KLHL11: variants seen among roughly 807,000 people sequenced by gnomAD.
KLHL11 encodes kelch-like protein 11.
A neutral mutation model predicts 56.1 loss-of-function variants in KLHL11; 26 were observed. The observed-to-expected ratio is 0.46, with a 90% CI of 0.34 to 0.64. The LOEUF (loss-of-function observed/expected upper bound fraction) is 0.64. KLHL11 is among the 30% of genes least tolerant of loss of function. The pLI, the probability that KLHL11 is intolerant of heterozygous loss-of-function variation, is 0.01. For synonymous variants in KLHL11, 338 were observed against 345.8 expected (o/e 0.98, Z 0.25); for missense variants, 627 against 919.4 (o/e 0.68, Z 4.11).
rs934548024 is a variant in KLHL11, at chr17:41,853,186, C to T, written c.*554G>A. Among the ~76,000 whole-genome samples the T allele has an allele frequency of 6.6e-6, 1 of 152,164 alleles. No individual in the cohort carries two copies. The highest frequency in any genetic ancestry group is 1.5e-5 in the Non-Finnish European group (1 of 68,020). On this transcript the variant is annotated 3_prime_UTR_variant, in exon 2 of 2. Transcript: ENST00000319121. ...TCACATCTTCTAGGAAGGAAACTGG[C>T]ATTTCTAGATAAACATAAGAAAATA...
At chr17:41,856,976 C>T (rs570077292) in intron 1 of KLHL11, among the ~76,000 whole-genome samples, 5 of 151,952 alleles carry the variant, frequency 3.3e-5, no homozygotes, top group East Asian at 1.9e-4. Flanking sequence ...GCTGAGATTG[C>T]GCCACTGCAC....
Position 41,854,327 on chromosome 17 carries a change from G to A in KLHL11, c.1540C>T (p.Arg514Trp), listed in dbSNP as rs782435849. ...GCCTTTAATCCATCTTCAGTGTCCCGGTCTACAGGAGTGCGGGCGGCAATG... is the reference window on the plus strand; with the variant it reads ...GCCTTTAATCCATCTTCAGTGTCCCAGTCTACAGGAGTGCGGGCGGCAATG... Reference protein sequence around the residue: ...VYIAARTPVDRDTEDGLKAVI... With the variant: ...VYIAARTPVDWDTEDGLKAVI... The change falls in exon 2 of 2, where the codon CGG (arginine) becomes TGG (tryptophan). Residue 514 changes from arginine to tryptophan, a missense_variant. Physicochemically the swap from Arg to Trp is moderately radical, Grantham distance 101 (BLOSUM62 -3). Transcript: ENST00000319121. The surrounding 1 kb of genome is among the most constrained non-coding windows in gnomAD (Gnocchi z 4.9). The A allele has an allele frequency of 1.9e-6, 3 of 1,614,136 alleles. No homozygotes were observed. Among genetic ancestry groups the A allele is most frequent in the African/African-American group, 1.3e-5 (1 of 75,040 alleles).
intron 1 of KLHL11, among the ~76,000 whole-genome samples, chr17:41,860,551 T>G (rs370673208): frequency 5.9e-5 from 9 of 152,142 alleles, no homozygotes; most frequent in African/African-American, 1.7e-4. Flanking sequence ...ATGCCCAGAG[T>G]ATCGTCTCCT....
At chr17:41,857,088 C>G (rs2048371325) in intron 1 of KLHL11, among the ~76,000 whole-genome samples, 1 of 152,020 alleles carries the variant, frequency 6.6e-6, no homozygotes, top group Non-Finnish European at 1.5e-5. Context: ...CTCAACTACT[C>G]AGGGGGCTTA....
In KLHL11 at chr17:41,865,404, G is replaced by A; in HGVS notation, c.-34C>T. On this transcript the variant is annotated 5_prime_UTR_variant, in exon 1 of 2. Transcript: ENST00000319121. ...CGCTGCGCCCGGCCTCCACAGCCTC[G>A]GAACGATGCGGCTGTTGGTACGACA... 3.2e-6 allele frequency: 4 copies of A among 1,247,920 alleles called. No individual in the cohort carries two copies. Among genetic ancestry groups the A allele is most frequent in the East Asian group, 2.9e-5 (1 of 34,518 alleles). 77.3% of individuals were successfully genotyped at this position (1,247,920 alleles called of 1,614,324 possible).
At position 41,854,118 on chromosome 17, in the gene KLHL11, T is replaced by C. The variant is rs560563465; in HGVS notation, c.1749A>G (p.Gln583=). Residue 583 remains glutamine (Q), a synonymous_variant, in exon 2 of 2, where the codon CAA becomes CAG. Coordinates refer to ENST00000319121, the MANE Select transcript of KLHL11 (RefSeq NM_018143.3). The surrounding 1 kb of genome is among the most constrained non-coding windows in gnomAD (Gnocchi z 4.9). The stretch of plus-strand genomic sequence containing the variant: ...AGCTTTCAAGGATCTCATCAGACAC[T>C]TGGCTGGCAATTTTTCTTACTGCCT... ...NEEAVRKIAS[Q]VSDEILESLP... 28 of 1,614,202 alleles carry C rather than the reference T, an allele frequency of 1.7e-5. No homozygotes were observed. In the South Asian group the frequency reaches 2.1e-4, roughly 12 times the overall value.
rs1484008399 is a variant in KLHL11, at chr17:41,855,155, C to A, written c.712G>T (p.Asp238Tyr). 6.2e-7 allele frequency: 1 copy of A among 1,614,002 alleles called. No homozygotes were observed. Among genetic ancestry groups the A allele is most frequent in the Admixed American group, 1.7e-5 (1 of 59,998 alleles). Residue 238 changes from aspartate to tyrosine, a missense_variant, in exon 2 of 2, where the codon GAT (aspartate) becomes TAT (tyrosine). Around this residue, in one of 4 missense-constraint regions of KLHL11, gnomAD observed 106 missense variants for 227.0 expected, o/e 0.47. Coordinates refer to ENST00000319121, the MANE Select transcript of KLHL11 (RefSeq NM_018143.3). ...AAAGGTAACGTATAAAATTCTTCAT[C>A]CTGAATCACTTTGTGGAAATTTCTC... Reference protein sequence around the residue: ...IRRNFHKVIQDEEFYTLPFHL... With the variant: ...IRRNFHKVIQYEEFYTLPFHL...
chr17:41,865,261 G>A lies in KLHL11; in HGVS notation c.110C>T (p.Ala37Val). The change falls in exon 1 of 2, where the codon GCC (alanine) becomes GTC (valine). Residue 37 changes from alanine (A) to valine (V), a missense_variant. Physicochemically the swap from Ala to Val is moderately conservative, Grantham distance 64 (BLOSUM62 0). Around this residue, in one of 4 missense-constraint regions of KLHL11, gnomAD observed 121 missense variants for 116.2 expected, o/e 1.04. Coordinates refer to ENST00000319121, the MANE Select transcript of KLHL11 (RefSeq NM_018143.3). ...CGTGCCGCTGCCTCGGACCTCGGCG[G>A]CCAGTCCTGCCGAGCCGGCGGCGGC... ...ETAAAGSAGLAAEVRGSGTVD... is the reference protein window; with the variant it reads ...ETAAAGSAGLVAEVRGSGTVD... 2 of 1,581,282 alleles carry A rather than the reference G, an allele frequency of 1.3e-6. No individual in the cohort carries two copies. Among genetic ancestry groups the A allele is most frequent in the Middle Eastern group, 1.7e-4 (1 of 5,864 alleles).
rs781912211 is a variant in KLHL11, at chr17:41,854,181, T to C, written c.1686A>G (p.Ala562=). The C allele has an allele frequency of 1.2e-6, 2 of 1,614,160 alleles. No homozygotes were observed. The highest frequency in any genetic ancestry group is 2.2e-5 in the East Asian group (1 of 44,894). Residue 562 remains alanine, a synonymous_variant, in exon 2 of 2, where the codon GCA becomes GCG. Coordinates refer to ENST00000319121, the MANE Select transcript of KLHL11 (RefSeq NM_018143.3). The surrounding 1 kb of genome is among the most constrained non-coding windows in gnomAD (Gnocchi z 4.9). ...AACAATAACTCTTGGGACAACATGA[T>C]GCTGTCTGATAAAAGTTTGAATTGA... The part of the protein sequence containing the change: ...SVVNSNFYQT[A]SCCPKSYCLE...
At chr17:41,860,572 TC>T (rs1347202037) in intron 1 of KLHL11, among the ~76,000 whole-genome samples, 7 of 151,950 alleles carry the variant, frequency 4.6e-5, no homozygotes, top group Admixed American at 4.6e-4. Context: ...CTCCTCTAAC[TC>T]CCCAATAGAG....
At chr17:41,863,314 C>T (rs527404774) in intron 1 of KLHL11, among the ~76,000 whole-genome samples, 142 of 152,040 alleles carry the variant, frequency 9.3e-4, no homozygotes, top group African/African-American at 3.2e-3. Flanking sequence ...TCTTGTGTCT[C>T]AGCCTCCCCA....
intron 1 of KLHL11, among the ~76,000 whole-genome samples, chr17:41,856,538 A>C (rs1337261076): frequency 6.6e-6 from 1 of 152,118 alleles, no homozygotes; most frequent in East Asian, 1.9e-4. Flanking sequence ...AGCAACAACA[A>C]CAACAACAAC....
chr17:41,865,312 A>G lies in KLHL11; in HGVS notation c.59T>C (p.Val20Ala). 1 of 1,522,490 alleles carries G rather than the reference A, an allele frequency of 6.6e-7. No individual in the cohort carries two copies. The highest frequency in any genetic ancestry group is 8.7e-7 in the Non-Finnish European group (1 of 1,150,534). The allele number at this position is 1,522,490 out of a possible 1,614,324, so 94.3% of individuals were successfully genotyped here. ...AAAAAAASLQVLEMESMETAA... is the reference protein window; with the variant it reads ...AAAAAAASLQALEMESMETAA... ...CGTCTCCATGCTCTCCATCTCCAGT[A>G]CCTGAAGAGATGCAGCCGCGGCCGC... The change falls in exon 1 of 2, where the codon GTA (valine) becomes GCA (alanine). Residue 20 changes from valine to alanine, a missense_variant. By Grantham distance (64) the Val-to-Ala change is moderately conservative. This residue lies in a region of KLHL11 where 121 missense variants were observed against 116.2 expected (regional missense o/e 1.04). Transcript: ENST00000319121.
At chr17:41,861,816 C>A (rs891624897) in intron 1 of KLHL11, among the ~76,000 whole-genome samples, 1 of 152,044 alleles carries the variant, frequency 6.6e-6, no homozygotes, top group Admixed American at 6.6e-5. Context: ...TGCAATTATT[C>A]CCCTGCTCCT....
chr17:41,859,142 G>A (rs2048386867), intron 1 of KLHL11, among the ~76,000 whole-genome samples: 1 of 151,786 alleles, frequency 6.6e-6, no homozygotes, highest in South Asian at 2.1e-4. Context: ...CAGCCAGAGG[G>A]GATGGGGTAC....
At chr17:41,864,714 A>G (rs2048426235) in intron 1 of KLHL11, 112 bp downstream of exon 1, 1 of 1,106,388 alleles carries the variant, frequency 9.0e-7, no homozygotes. Flanking sequence ...AAACCAATGC[A>G]TTCACTCAGG....
chr17:41,854,741 CA>C lies in KLHL11; in HGVS notation c.1125del (p.Ser375ArgfsTer14), dbSNP rs1555622347. The C allele has an allele frequency of 6.2e-7, 1 of 1,614,162 alleles. No homozygotes were observed. Among genetic ancestry groups the C allele is most frequent in the South Asian group, 1.1e-5 (1 of 91,088 alleles). On this transcript the variant is annotated frameshift_variant, in exon 2 of 2. Transcript: ENST00000319121. LOFTEE classifies it high-confidence loss of function. The surrounding 1 kb of genome is among the most constrained non-coding windows in gnomAD (Gnocchi z 4.9). Reference protein sequence around the residue: ...GGVSEGGDYLSECVGYFVDED... With the variant: ...GGVSEGGDYLXECVGYFVDED... Reference sequence around the variant, plus strand: ...TCATCAACAAAGTATCCCACACATTCACTTAAATAGTCCCCTCCTTCTGACA... The same window carrying C: ...TCATCAACAAAGTATCCCACACATTCCTTAAATAGTCCCCTCCTTCTGACA...
intron 1 of KLHL11, among the ~76,000 whole-genome samples, chr17:41,863,072 T>C (rs1322159203): frequency 6.6e-6 from 1 of 152,080 alleles, no homozygotes; most frequent in Non-Finnish European, 1.5e-5. Context: ...GCAGTTCTCA[T>C]CACCTTTACT....
At position 41,854,586 on chromosome 17, in the gene KLHL11, G is replaced by A; in HGVS notation, c.1281C>T (p.Asn427=). The change falls in exon 2 of 2, where the codon AAC becomes AAT. Residue 427 remains asparagine (N), a synonymous_variant. Transcript: ENST00000319121. This position sits in a 1 kb window ranked among gnomAD's most constrained non-coding sequence, Gnocchi z 4.9. ...PGFAKTVERY[N]PNLNTWEHVC... The stretch of plus-strand genomic sequence containing the variant: ...CATGTTCCCATGTATTCAAATTTGG[G>A]TTATACCTTTCTACAGTTTTAGCAA... 6.2e-7 allele frequency: 1 copy of A among 1,614,160 alleles called. No individual in the cohort carries two copies. Among genetic ancestry groups the A allele is most frequent in the South Asian group, 1.1e-5 (1 of 91,084 alleles).
Sources: allele counts gnomAD v4.1 joint callset (sites outside exome capture counted in the v4.1 genomes callset), GRCh38; gene constraint gnomAD v4.1.1; regional missense constraint gnomAD v4.1.1; non-coding constraint Gnocchi (gnomAD v3.1); transcripts MANE v1.5; gene names NCBI Gene and HGNC (gene_info 2026-07-23, HGNC 2026-07-21).